SGK1: variants seen among roughly 807,000 people sequenced by gnomAD.
SGK1 encodes serine/threonine-protein kinase Sgk1.
SGK1 carries 26 observed loss-of-function variants against 64.2 expected under a neutral mutation model. The observed-to-expected ratio is 0.40, with a 90% confidence interval of 0.30 to 0.56. SGK1 has a LOEUF of 0.56. Ranked by LOEUF, SGK1 falls within the 20% of genes least tolerant of loss-of-function variation. The pLI is 0.38. For missense variants in SGK1, 519 were observed against 645.6 expected, an observed-to-expected ratio of 0.80 and a Z score of 2.12; for synonymous variants, 265 against 239.7, an observed-to-expected ratio of 1.11 and a Z score of -0.98.
At position 134,206,593 on chromosome 6, in the gene SGK1, A is replaced by T. The variant is rs189967810; in HGVS notation, c.361+763T>A. 2.6e-5 allele frequency among the ~76,000 whole-genome samples: 4 copies of T among 151,542 alleles called. No individual in the cohort carries two copies. In the Admixed American group the frequency reaches 2.6e-4, roughly 10 times the overall value. Reference sequence around the variant, plus strand: ...GGTAAAATTGATTGCAAGGCTAGGTATGGTGGCTCACACCTGTAATCCTAG... The same window carrying T: ...GGTAAAATTGATTGCAAGGCTAGGTTTGGTGGCTCACACCTGTAATCCTAG... On this transcript the variant is annotated intron_variant, in intron 3 of 13. Coordinates refer to ENST00000367858, the MANE Select transcript of SGK1 (RefSeq NM_001143676.3).
chr6:134,280,790 G>A (rs2114769541), intron 1 of SGK1, among the ~76,000 whole-genome samples: 1 of 152,302 alleles, frequency 6.6e-6, no homozygotes, highest in East Asian at 1.9e-4. Context: ...ATCCAGGCCA[G>A]GTGCAGTGGC....
chr6:134,288,208 G>A (rs1009288661), intron 1 of SGK1, among the ~76,000 whole-genome samples: 8 of 152,198 alleles, frequency 5.3e-5, no homozygotes, highest in African/African-American at 1.7e-4. Context: ...ATTGCCCTAT[G>A]GGAAGGGCTA....
chr6:134,259,646 A>G (rs1018973248), intron 2 of SGK1: 3 of 152,102 alleles, frequency 2.0e-5, no homozygotes, highest in Non-Finnish European at 4.4e-5. Context: ...TCATTTACAT[A>G]TTATCTATGG....
At chr6:134,273,173 T>C (rs1413090099) in intron 1 of SGK1, among the ~76,000 whole-genome samples, 1 of 147,668 alleles carries the variant, frequency 6.8e-6, no homozygotes, top group Non-Finnish European at 1.5e-5. Context: ...TGACACCAGG[T>C]GAATCCTTCA....
chr6:134,234,463 G>T (rs890189803), intron 2 of SGK1, among the ~76,000 whole-genome samples: 7 of 152,360 alleles, frequency 4.6e-5, no homozygotes, highest in East Asian at 3.9e-4. Flanking sequence ...TAACTAGAAG[G>T]AGAGACAAAA....
intron 3 of SGK1, chr6:134,177,916 G>C: frequency 7.6e-7 from 1 of 1,312,966 alleles, no homozygotes. Context: ...AAGCTGCAAA[G>C]TTCAACACTG....
At chr6:134,304,125 A>C (rs573938463) in intron 1 of SGK1, among the ~76,000 whole-genome samples, 8 of 152,314 alleles carry the variant, frequency 5.3e-5, no homozygotes, top group African/African-American at 1.9e-4. Flanking sequence ...ATGCACTGAC[A>C]CCAAACAAGA....
intron 1 of SGK1, among the ~76,000 whole-genome samples, chr6:134,299,511 T>C (rs1777413617): frequency 6.6e-6 from 1 of 152,106 alleles, no homozygotes; most frequent in Non-Finnish European, 1.5e-5. Flanking sequence ...TCCTGAGAGA[T>C]CAGAGGTGGG....
intron 1 of SGK1, 88 bp downstream of exon 1, chr6:134,317,304 C>A (rs1216837170): frequency 1.1e-6 from 1 of 884,698 alleles, no homozygotes; most frequent in South Asian, 1.3e-5. Context: ...GGTTTAGCAA[C>A]AAAACCTCAG....
chr6:134,187,298 C>T lies in SGK1; in HGVS notation c.362-12712G>A, dbSNP rs565139285. Among the ~76,000 whole-genome samples the T allele has an allele frequency of 1.8e-4, 27 of 152,206 alleles. No homozygotes were observed. In the South Asian group the frequency reaches 3.9e-3, roughly 22 times the overall value. On this transcript the variant is annotated intron_variant, in intron 3 of 13. Coordinates refer to ENST00000367858, the MANE Select transcript of SGK1 (RefSeq NM_001143676.3). Reference sequence around the variant, plus strand: ...TTCAATGGAATCATTGTTGTGTCTCCGGAAGCACTCCTCCCTCTGGAACTA... The same window carrying T: ...TTCAATGGAATCATTGTTGTGTCTCTGGAAGCACTCCTCCCTCTGGAACTA...
chr6:134,282,204 TCTCA>T (rs1238648612), intron 1 of SGK1, among the ~76,000 whole-genome samples: 1 of 152,110 alleles, frequency 6.6e-6, no homozygotes, highest in Non-Finnish European at 1.5e-5. Context: ...TGAGACAGGG[TCTCA>T]CTCTGTCACT....
intron 1 of SGK1, among the ~76,000 whole-genome samples, chr6:134,291,721 C>T (rs1217595524): frequency 1.3e-5 from 2 of 152,198 alleles, no homozygotes; most frequent in Non-Finnish European, 2.9e-5. Flanking sequence ...ATGGGATGAA[C>T]TGTTGCCTGA....
At chr6:134,247,796 G>T (rs545936030) in intron 2 of SGK1, among the ~76,000 whole-genome samples, 1 of 152,106 alleles carries the variant, frequency 6.6e-6, no homozygotes, top group Non-Finnish European at 1.5e-5. Flanking sequence ...TAAAATTATA[G>T]ATAATTTCAG....
intron 1 of SGK1, among the ~76,000 whole-genome samples, chr6:134,306,364 A>C (rs971909196): frequency 8.6e-5 from 13 of 151,846 alleles, no homozygotes; most frequent in African/African-American, 3.1e-4. Flanking sequence ...CGGAGGTTGC[A>C]GTGAGCCAAG....
intron 2 of SGK1, among the ~76,000 whole-genome samples, chr6:134,220,058 C>CAAAAAAAAAA (rs55870107): frequency 2.7e-3 from 164 of 61,350 alleles, no homozygotes; most frequent in African/African-American, 8.3e-3. Flanking sequence ...GACTCCGTCT[C>CAAAAAAAAAA]AAAAAAAAAA....
intron 2 of SGK1, among the ~76,000 whole-genome samples, chr6:134,252,809 C>G (rs180749737): frequency 6.6e-6 from 1 of 152,184 alleles, no homozygotes; most frequent in East Asian, 1.9e-4. Context: ...CCAGACACCT[C>G]TCTCCAGAGA....
chr6:134,289,686 G>A (rs1034462663), intron 1 of SGK1, among the ~76,000 whole-genome samples: 1 of 151,764 alleles, frequency 6.6e-6, no homozygotes, highest in Admixed American at 6.6e-5. Flanking sequence ...CACAATTCAG[G>A]TGCTCAATAG....
At chr6:134,193,374 A>G (rs1020332930) in intron 3 of SGK1, among the ~76,000 whole-genome samples, 1 of 152,216 alleles carries the variant, frequency 6.6e-6, no homozygotes, top group Admixed American at 6.5e-5. Context: ...TTGCATACTT[A>G]TGGACATAAA....
At chr6:134,196,277 G>T (rs961465237) in intron 3 of SGK1, among the ~76,000 whole-genome samples, 1 of 151,602 alleles carries the variant, frequency 6.6e-6, no homozygotes, top group African/African-American at 2.4e-5. Context: ...TGTTATCCAG[G>T]CTGGTCTTGA....
Sources: gnomAD v4.1 joint callset for allele counts (sites outside exome capture counted in the v4.1 genomes callset) on GRCh38, gnomAD v4.1.1 for gene constraint, MANE v1.5 for transcripts, NCBI Gene and HGNC (gene_info 2026-07-23, HGNC 2026-07-21) for gene names.